The following RELN variants were observed in gnomAD, a reference collection of about 807,000 sequenced individuals.
The protein encoded by RELN is reelin.
A neutral mutation model predicts 427.6 loss-of-function variants in RELN; 108 were observed. The observed-to-expected ratio is 0.25, with a 90% CI of 0.22 to 0.30. The LOEUF (loss-of-function observed/expected upper bound fraction) is 0.30. Among genes scored for constraint, RELN ranks in the 10% least tolerant of loss-of-function variants. The pLI, the probability that RELN is intolerant of heterozygous loss-of-function variation, is 1.00. For synonymous variants in RELN, 1,524 were observed against 1,513.4 expected (o/e 1.01, Z -0.16); for missense variants, 3,715 against 4,302.8 (o/e 0.86, Z 3.82).
intron 6 of RELN, among the ~76,000 whole-genome samples, chr7:103,744,516 A>G (rs888976603): frequency 1.3e-4 from 20 of 152,226 alleles, no homozygotes; most frequent in African/African-American, 4.8e-4. Flanking sequence ...ATAGACCACT[A>G]GCAAGACTAA....
chr7:103,905,428 T>C (rs1795181497), intron 2 of RELN, among the ~76,000 whole-genome samples: 1 of 152,206 alleles, frequency 6.6e-6, no homozygotes, highest in Non-Finnish European at 1.5e-5. Context: ...CATATATTTG[T>C]ATAGTTTTAA....
chr7:103,499,955 A>C (rs887329320), intron 53 of RELN, among the ~76,000 whole-genome samples: 20 of 152,214 alleles, frequency 1.3e-4, no homozygotes, highest in Admixed American at 9.8e-4. Context: ...GACACAAATG[A>C]GCATTGTTCC....
At chr7:103,920,700 G>A (rs1449708516) in intron 1 of RELN, among the ~76,000 whole-genome samples, 3 of 151,152 alleles carry the variant, frequency 2.0e-5, no homozygotes, top group African/African-American at 4.9e-5. Flanking sequence ...CAGCCTCCTG[G>A]GTATCTGTGA....
At chr7:103,825,455 A>T (rs1308224297) in intron 3 of RELN, among the ~76,000 whole-genome samples, 2 of 152,156 alleles carry the variant, frequency 1.3e-5, no homozygotes, top group Non-Finnish European at 2.9e-5. Flanking sequence ...ACTAAAATGA[A>T]AAATTAGGTA....
At chr7:103,736,193 C>T (rs1299100140) in intron 6 of RELN, among the ~76,000 whole-genome samples, 1 of 152,152 alleles carries the variant, frequency 6.6e-6, no homozygotes, top group African/African-American at 2.4e-5. Flanking sequence ...CTCTTTGTAC[C>T]TTCCATTCAA....
At chr7:103,638,407 G>T (rs1263510640) in intron 17 of RELN, among the ~76,000 whole-genome samples, 1 of 152,162 alleles carries the variant, frequency 6.6e-6, no homozygotes, top group African/African-American at 2.4e-5. Flanking sequence ...AAGTGTTAGA[G>T]GGAACATGAG....
intron 46 of RELN, among the ~76,000 whole-genome samples, chr7:103,531,771 AAAAAC>A (rs1554372316): frequency 6.6e-6 from 1 of 152,138 alleles, no homozygotes; most frequent in African/African-American, 2.4e-5. Context: ...CAAAAGTAAA[AAAAAC>A]AAAACAAAAC....
chr7:103,951,470 C>G (rs1372308587), intron 1 of RELN, among the ~76,000 whole-genome samples: 1 of 152,210 alleles, frequency 6.6e-6, no homozygotes, highest in Admixed American at 6.5e-5. Context: ...ACCAGGCACA[C>G]TTGACTGGGT....
At position 103,811,034 on chromosome 7, in the gene RELN, A is replaced by G. The variant is rs554045000; in HGVS notation, c.473+22503T>C. 6.4e-4 allele frequency among the ~76,000 whole-genome samples: 98 copies of G among 152,314 alleles called. 1 individual carries two copies. The highest frequency in any genetic ancestry group is 2.3e-3 in the African/African-American group (94 of 41,572). ...ATAAATGTTAAGGTTTAAAATAAAA[A>G]CTATTTTGATTTGGCATTAATGTTC... is the stretch of plus-strand genomic sequence containing the variant. On this transcript the variant is annotated intron_variant, in intron 3 of 64. Coordinates refer to ENST00000428762, the MANE Select transcript of RELN (RefSeq NM_005045.4).
At position 103,492,039 on chromosome 7, in the gene RELN, T is replaced by C. The variant is rs1183131456; in HGVS notation, c.9370-13A>G. ...AACCCACCACAATCTAAAACAAACA[T>C]AAACAATCAATACACAGGTAAGATT... On this transcript the variant is annotated splice_polypyrimidine_tract_variant and intron_variant, in intron 57 of 64. Coordinates refer to ENST00000428762, the MANE Select transcript of RELN (RefSeq NM_005045.4). 6.3e-7 allele frequency: 1 copy of C among 1,593,460 alleles called. No individual in the cohort carries two copies. The highest frequency in any genetic ancestry group is 8.5e-7 in the Non-Finnish European group (1 of 1,170,280).
intron 1 of RELN, among the ~76,000 whole-genome samples, 172 bp from the exon 2 acceptor site, chr7:103,917,357 G>A (rs138909613): frequency 3.7e-4 from 56 of 152,116 alleles, no homozygotes; most frequent in African/African-American, 1.2e-3. Flanking sequence ...AAAGAAGCTC[G>A]GAACTCCAGT....
chr7:103,652,658 G>T lies in RELN; in HGVS notation c.1656C>A (p.Val552=), dbSNP rs1345825496. 1 of 1,612,844 alleles carries T rather than the reference G, an allele frequency of 6.2e-7. No homozygotes were observed. The highest frequency in any genetic ancestry group is 8.5e-7 in the Non-Finnish European group (1 of 1,179,286). The change falls in exon 14 of 65, where the codon GTC becomes GTA. Residue 552 remains valine (V), a synonymous_variant. Coordinates refer to ENST00000428762, the MANE Select transcript of RELN (RefSeq NM_005045.4). The part of the protein sequence containing the change: ...QKNHQGHNRN[V]WAVDFFHVLP... ...AGACATGGAAAAAGTCTACAGCCCA[G>T]ACATTCCTATTATGTCCTTGATGGT...
chr7:103,804,423 T>C (rs182360070), intron 3 of RELN, among the ~76,000 whole-genome samples: 6 of 152,154 alleles, frequency 3.9e-5, no homozygotes, highest in Non-Finnish European at 7.4e-5. Flanking sequence ...GTCTGACAAA[T>C]TCGGAATAAT....
chr7:103,959,740 A>G (rs977847246), intron 1 of RELN, among the ~76,000 whole-genome samples: 1 of 151,964 alleles, frequency 6.6e-6, no homozygotes, highest in Admixed American at 6.6e-5. Context: ...TTTCCCCAGT[A>G]GCTGGGACTA....
At chr7:103,632,913 T>C (rs1832502693) in intron 19 of RELN, among the ~76,000 whole-genome samples, 1 of 152,084 alleles carries the variant, frequency 6.6e-6, no homozygotes, top group Admixed American at 6.6e-5. Context: ...AAGATTAGAC[T>C]TCATAGTAAT....
At chr7:103,752,176 T>C (rs1791019383) in intron 5 of RELN, among the ~76,000 whole-genome samples, 1 of 152,202 alleles carries the variant, frequency 6.6e-6, no homozygotes, top group Non-Finnish European at 1.5e-5. Context: ...ATAGATACTA[T>C]TATTAATTCT....
Position 103,573,886 on chromosome 7 carries a change from T to A in RELN, c.4511+206A>T, listed in dbSNP as rs535554283. Among the ~76,000 whole-genome samples, 1 of 152,170 alleles carries A rather than the reference T, an allele frequency of 6.6e-6. No individual in the cohort carries two copies. The highest frequency in any genetic ancestry group is 2.1e-4 in the South Asian group (1 of 4,820). On this transcript the variant is annotated intron_variant, in intron 30 of 64. Transcript: ENST00000428762. The surrounding 1 kb of genome is among the most constrained non-coding windows in gnomAD (Gnocchi z 4.4). ...CACAGGCCTTGGTGATGACCACACA[T>A]GGATTTATGAATTGCAGCATGGTCT... is the stretch of plus-strand genomic sequence containing the variant.
chr7:103,504,441 A>T (rs1049837170), intron 51 of RELN: 1 of 152,216 alleles, frequency 6.6e-6, no homozygotes, highest in Non-Finnish European at 1.5e-5. Flanking sequence ...ACTCTTATAA[A>T]AGTTTCAGCT....
intron 2 of RELN, among the ~76,000 whole-genome samples, chr7:103,902,790 G>T (rs1424966677): frequency 1.3e-5 from 2 of 152,020 alleles, no homozygotes; most frequent in African/African-American, 4.8e-5. Flanking sequence ...ACTCTCATTT[G>T]GTGAAGTGTC....
Sources: allele counts gnomAD v4.1 joint callset (sites outside exome capture counted in the v4.1 genomes callset), GRCh38; gene constraint gnomAD v4.1.1; non-coding constraint Gnocchi (gnomAD v3.1); transcripts MANE v1.5; gene names NCBI Gene and HGNC (gene_info 2026-07-23, HGNC 2026-07-21).